Variants in MAML3 observed in about 807,000 individuals in gnomAD.
The protein encoded by MAML3 is mastermind-like protein 3.
Under a neutral mutation model 101.9 loss-of-function variants are expected in MAML3, and 27 were observed. The ratio of observed to expected loss-of-function variants is 0.27; its 90% confidence interval spans 0.20 to 0.37. The LOEUF (loss-of-function observed/expected upper bound fraction) is 0.37, where lower values mean the gene tolerates loss of function less well. MAML3 is among the 10% of genes least tolerant of loss of function. The pLI is 1.00. For synonymous variants in MAML3, 501 were observed against 555.9 expected, an observed-to-expected ratio of 0.90 and a Z score of 1.39; for missense variants, 1,316 against 1,444.9, an observed-to-expected ratio of 0.91 and a Z score of 1.45.
At chr4:140,128,782 A>G in intron 1 of MAML3, among the ~76,000 whole-genome samples, 1 of 152,200 alleles carries the variant, frequency 6.6e-6, no homozygotes, top group Non-Finnish European at 1.5e-5. Context: ...AGGGCAAGAG[A>G]AAGAACTAAC....
chr4:140,012,296 G>A (rs1021576022), intron 1 of MAML3, among the ~76,000 whole-genome samples: 5 of 152,236 alleles, frequency 3.3e-5, no homozygotes, highest in African/African-American at 1.2e-4. Flanking sequence ...TATATTTTAT[G>A]TGTCAGAGGA....
At position 139,804,647 on chromosome 4, in the gene MAML3, C is replaced by T. The variant is rs542909465; in HGVS notation, c.2080-73980G>A. Among the ~76,000 whole-genome samples the T allele has an allele frequency of 1.3e-3, 199 of 152,314 alleles. 1 individual carries two copies. The highest frequency in any genetic ancestry group is 4.5e-3 in the African/African-American group (189 of 41,564). On this transcript the variant is annotated intron_variant, in intron 2 of 4. Transcript: ENST00000509479. ...AGTTGATTTTTAAGGTCTGCTTATACTCTAAAATTCTATCATACATCCTCT... is the reference window on the plus strand; with the variant it reads ...AGTTGATTTTTAAGGTCTGCTTATATTCTAAAATTCTATCATACATCCTCT...
At chr4:139,908,658 G>A (rs1732862734) in intron 1 of MAML3, among the ~76,000 whole-genome samples, 1 of 152,204 alleles carries the variant, frequency 6.6e-6, no homozygotes, top group Non-Finnish European at 1.5e-5. Flanking sequence ...ATCACAAGCA[G>A]TATATATTTA....
At position 139,719,431 on chromosome 4, in the gene MAML3, AC is replaced by A; in HGVS notation, c.3308del (p.Gly1103ValfsTer54). 6.2e-7 allele frequency: 1 copy of A among 1,613,874 alleles called. No individual in the cohort carries two copies. Among genetic ancestry groups the A allele is most frequent in the Non-Finnish European group, 8.5e-7 (1 of 1,179,860 alleles). On this transcript the variant is annotated frameshift_variant, in exon 5 of 5. Coordinates refer to ENST00000509479, the MANE Select transcript of MAML3 (RefSeq NM_018717.5). LOFTEE classifies it high-confidence loss of function. ...SYNYSGDGAG[G>X]SFPGLPDGAD... The stretch of plus-strand genomic sequence containing the variant: ...CACCGTCCGGGAGGCCAGGGAAGGA[AC>A]CCCCAGCTCCGTCGCCACTGTAATT...
chr4:139,924,650 T>A (rs911445054), intron 1 of MAML3, among the ~76,000 whole-genome samples: 1 of 152,182 alleles, frequency 6.6e-6, no homozygotes, highest in African/African-American at 2.4e-5. Flanking sequence ...TCTGGCAGAT[T>A]ATATTGAATA....
At position 140,085,269 on chromosome 4, in the gene MAML3, G is replaced by C. The variant is rs1037597260; in HGVS notation, c.468+67591C>G. Reference sequence around the variant, plus strand: ...GGGTAATGGGTAGTTAAACATTTGCGACCAGTTACTCATCTTGCTTTGCAG... The same window carrying C: ...GGGTAATGGGTAGTTAAACATTTGCCACCAGTTACTCATCTTGCTTTGCAG... On this transcript the variant is annotated intron_variant, in intron 1 of 4. Coordinates refer to ENST00000509479, the MANE Select transcript of MAML3 (RefSeq NM_018717.5). 2.6e-5 allele frequency among the ~76,000 whole-genome samples: 4 copies of C among 152,196 alleles called. No individual in the cohort carries two copies. In the South Asian group the frequency reaches 8.3e-4, roughly 32 times the overall value.
At chr4:139,803,276 A>G (rs891557143) in intron 2 of MAML3, among the ~76,000 whole-genome samples, 3 of 152,242 alleles carry the variant, frequency 2.0e-5, no homozygotes, top group Non-Finnish European at 2.9e-5. Flanking sequence ...CATATATAAA[A>G]TATAAAATGA....
At chr4:139,924,040 T>A (rs1444184831) in intron 1 of MAML3, among the ~76,000 whole-genome samples, 1 of 152,212 alleles carries the variant, frequency 6.6e-6, no homozygotes, top group Non-Finnish European at 1.5e-5. Context: ...CAGAAACATT[T>A]TAATTTCTTT....
chr4:140,050,287 C>A (rs1250148820), intron 1 of MAML3, among the ~76,000 whole-genome samples: 1 of 151,838 alleles, frequency 6.6e-6, no homozygotes, highest in Non-Finnish European at 1.5e-5. Flanking sequence ...AACAGCCTAG[C>A]CTTAGACCCT....
intron 1 of MAML3, among the ~76,000 whole-genome samples, chr4:139,905,416 C>T (rs983537445): frequency 4.9e-5 from 7 of 142,514 alleles, no homozygotes; most frequent in African/African-American, 7.7e-5. Context: ...GGCATGAACC[C>T]GGGAGGCAGA....
At chr4:139,731,436 A>T (rs974818317) in intron 2 of MAML3, 4 of 18,194 alleles carry the variant, frequency 2.2e-4, no homozygotes, top group African/African-American at 5.8e-4. Flanking sequence ...TGTCTCTACT[A>T]AAAAAAAAAA....
chr4:139,783,000 A>AAGG (rs1319561545), intron 2 of MAML3, among the ~76,000 whole-genome samples: 1 of 152,156 alleles, frequency 6.6e-6, no homozygotes, highest in Non-Finnish European at 1.5e-5. Flanking sequence ...AACCTCAAAA[A>AAGG]AGGAGCAATG....
chr4:139,938,564 G>C (rs1733547879), intron 1 of MAML3, among the ~76,000 whole-genome samples: 1 of 152,206 alleles, frequency 6.6e-6, no homozygotes, highest in Admixed American at 6.5e-5. Context: ...GATGAGATCT[G>C]ATAGGCTTGT....
At chr4:139,728,871 C>T (rs1350274112) in intron 3 of MAML3, among the ~76,000 whole-genome samples, 3 of 152,142 alleles carry the variant, frequency 2.0e-5, no homozygotes, top group Non-Finnish European at 4.4e-5. Flanking sequence ...GCCTGCTTGC[C>T]CTGGGCCTTC....
intron 2 of MAML3, among the ~76,000 whole-genome samples, chr4:139,742,550 G>A (rs773518826): frequency 6.6e-6 from 1 of 152,144 alleles, no homozygotes; most frequent in Non-Finnish European, 1.5e-5. Flanking sequence ...TCTTAGTATC[G>A]TCCCTATTAA....
intron 1 of MAML3, among the ~76,000 whole-genome samples, chr4:139,908,813 C>T (rs1732865341): frequency 6.6e-6 from 1 of 152,170 alleles, no homozygotes; most frequent in Non-Finnish European, 1.5e-5. Flanking sequence ...TTTGTTGGAA[C>T]TCTGAGCTTA....
chr4:140,113,367 G>A (rs540099770), intron 1 of MAML3, among the ~76,000 whole-genome samples: 1 of 152,310 alleles, frequency 6.6e-6, no homozygotes, highest in South Asian at 2.1e-4. Context: ...GCTGAACCTT[G>A]TAAAGGGCTG....
intron 2 of MAML3, among the ~76,000 whole-genome samples, chr4:139,850,359 C>A (rs1560813565): frequency 6.6e-6 from 1 of 152,288 alleles, no homozygotes; most frequent in East Asian, 1.9e-4. Flanking sequence ...TCTGCCAGGA[C>A]CTTCCTGGCT....
intron 1 of MAML3, among the ~76,000 whole-genome samples, chr4:139,952,708 C>T (rs955182160): frequency 6.6e-6 from 1 of 152,220 alleles, no homozygotes; most frequent in Non-Finnish European, 1.5e-5. Context: ...CCCACCTCCT[C>T]TTGCTCTAGA....
Sources: allele counts gnomAD v4.1 joint callset (sites outside exome capture counted in the v4.1 genomes callset), GRCh38; gene constraint gnomAD v4.1.1; transcripts MANE v1.5; gene names NCBI Gene and HGNC (gene_info 2026-07-23, HGNC 2026-07-21).